The following CACNA2D1 variants were observed in gnomAD, a reference collection of about 807,000 sequenced individuals.
CACNA2D1 encodes the protein calcium voltage-gated channel auxiliary subunit alpha2delta 1, also known as voltage-dependent calcium channel subunit alpha-2/delta-1.
In CACNA2D1, 53 loss-of-function variants were observed where a neutral mutation model predicts 171.5. The observed-to-expected ratio is 0.31, with a 90% CI of 0.25 to 0.39. The LOEUF is 0.39. Among genes scored for constraint, CACNA2D1 ranks in the 10% least tolerant of loss-of-function variants. The pLI, the probability that CACNA2D1 is intolerant of heterozygous loss-of-function variation, is 1.00. For missense variants in CACNA2D1, 903 were observed against 1,299.8 expected (o/e 0.69, Z 4.69); for synonymous variants, 442 against 443.1 (o/e 1.00, Z 0.03).
chr7:82,107,026 A>G (rs893271768), intron 6 of CACNA2D1, among the ~76,000 whole-genome samples: 2 of 152,184 alleles, frequency 1.3e-5, no homozygotes, highest in African/African-American at 4.8e-5. Context: ...GCTGTTTCTT[A>G]TATATTTGGC....
intron 24 of CACNA2D1, among the ~76,000 whole-genome samples, chr7:81,982,069 G>C (rs73379536): frequency 6.6e-6 from 1 of 152,026 alleles, no homozygotes; most frequent in Non-Finnish European, 1.5e-5. Context: ...TGTTCTACAA[G>C]AGCAAAGCCT....
At chr7:82,402,978 G>C (rs1826609131) in intron 1 of CACNA2D1, among the ~76,000 whole-genome samples, 1 of 152,046 alleles carries the variant, frequency 6.6e-6, no homozygotes, top group African/African-American at 2.4e-5. Flanking sequence ...GCCAGTAACA[G>C]TGGAAAAATT....
intron 12 of CACNA2D1, among the ~76,000 whole-genome samples, chr7:82,022,353 C>T (rs146851219): frequency 6.6e-6 from 1 of 151,724 alleles, no homozygotes; most frequent in African/African-American, 2.4e-5. Context: ...AGAATAAATA[C>T]TTGGTTTTTA....
At chr7:82,170,217 TC>T (rs1218128739) in intron 4 of CACNA2D1, among the ~76,000 whole-genome samples, 1 of 151,964 alleles carries the variant, frequency 6.6e-6, no homozygotes, top group Non-Finnish European at 1.5e-5. Flanking sequence ...ATTCATAATA[TC>T]GACAAAAATT....
chr7:81,997,718 C>G (rs1179240217), intron 18 of CACNA2D1, among the ~76,000 whole-genome samples: 2 of 150,452 alleles, frequency 1.3e-5, no homozygotes, highest in East Asian at 3.9e-4. Context: ...CTACACTTGC[C>G]AAGTAAAACA....
At chr7:82,370,464 A>G (rs1469817390) in intron 1 of CACNA2D1, among the ~76,000 whole-genome samples, 1 of 152,162 alleles carries the variant, frequency 6.6e-6, no homozygotes, top group Non-Finnish European at 1.5e-5. Context: ...TTAAATAATT[A>G]AAATACACAA....
chr7:82,339,217 G>T (rs539455130), intron 2 of CACNA2D1, among the ~76,000 whole-genome samples: 4 of 152,308 alleles, frequency 2.6e-5, no homozygotes, highest in Admixed American at 2.6e-4. Context: ...TTCAAGTGAT[G>T]AGATTAATTT....
At chr7:82,095,567 G>A (rs1811755394) in intron 6 of CACNA2D1, among the ~76,000 whole-genome samples, 2 of 152,158 alleles carry the variant, frequency 1.3e-5, no homozygotes, top group African/African-American at 4.8e-5. Context: ...ATGTACAATA[G>A]CTAGGGTTGT....
At chr7:82,363,611 A>C (rs1821343845) in intron 1 of CACNA2D1, among the ~76,000 whole-genome samples, 1 of 152,158 alleles carries the variant, frequency 6.6e-6, no homozygotes, top group African/African-American at 2.4e-5. Flanking sequence ...GGAGTGAATA[A>C]AAGTACATGC....
intron 4 of CACNA2D1, among the ~76,000 whole-genome samples, chr7:82,145,703 TAC>T (rs910699926): frequency 1.3e-5 from 2 of 148,808 alleles, no homozygotes; most frequent in African/African-American, 4.9e-5. Context: ...ATATATATTA[TAC>T]ACAATTTTAT....
intron 3 of CACNA2D1, among the ~76,000 whole-genome samples, chr7:82,321,315 C>A (rs1815832574): frequency 6.6e-6 from 1 of 152,094 alleles, no homozygotes; most frequent in African/African-American, 2.4e-5. Flanking sequence ...AGAAGAATAG[C>A]TTGAACCTGG....
At chr7:82,339,960 G>T (rs546660385) in intron 2 of CACNA2D1, among the ~76,000 whole-genome samples, 1 of 152,300 alleles carries the variant, frequency 6.6e-6, no homozygotes, top group East Asian at 1.9e-4. Context: ...CTTAAAAATG[G>T]AAGAGGAAGA....
At chr7:82,328,271 A>C (rs1816889200) in intron 3 of CACNA2D1, among the ~76,000 whole-genome samples, 1 of 152,244 alleles carries the variant, frequency 6.6e-6, no homozygotes, top group Non-Finnish European at 1.5e-5. Context: ...CAAAATATGC[A>C]TATCCACATA....
At chr7:82,301,315 G>C (rs554261943) in intron 3 of CACNA2D1, among the ~76,000 whole-genome samples, 2 of 151,948 alleles carry the variant, frequency 1.3e-5, no homozygotes, top group African/African-American at 2.4e-5. Flanking sequence ...TAGTAGAGAC[G>C]GGGTTTCTCC....
chr7:82,012,343 A>G, intron 14 of CACNA2D1, 100 bp from the exon 15 acceptor site: 1 of 720,562 alleles, frequency 1.4e-6, no homozygotes, highest in Non-Finnish European at 2.5e-6. Context: ...AAAAATGAAT[A>G]TAGAATCAAA....
chr7:82,422,522 A>G (rs1482151373), intron 1 of CACNA2D1, among the ~76,000 whole-genome samples: 1 of 152,126 alleles, frequency 6.6e-6, no homozygotes, highest in African/African-American at 2.4e-5. Context: ...TTGTAAAAAG[A>G]TCTAGTTCAA....
At chr7:82,165,429 G>A (rs1221500384) in intron 4 of CACNA2D1, among the ~76,000 whole-genome samples, 1 of 151,952 alleles carries the variant, frequency 6.6e-6, no homozygotes. Flanking sequence ...TGTTAACTGT[G>A]AAACCAGTGT....
rs1297820123 is a variant in CACNA2D1 at position 81,950,021 on chromosome 7, CAAGT to C, written c.*367_*370del. ...AGAGATTTTCTTAGTAAAATTGCAG[CAAGT>C]CAAAATTCCAGGTCAATATCAAGAC... is the stretch of plus-strand genomic sequence containing the variant. On this transcript the variant is annotated 3_prime_UTR_variant, in exon 39 of 39. Coordinates refer to ENST00000356860, the MANE Select transcript of CACNA2D1 (RefSeq NM_000722.4). The C allele has an allele frequency of 5.4e-6, 1 of 184,682 alleles. No individual in the cohort carries two copies. The highest frequency in any genetic ancestry group is 2.4e-5 in the African/African-American group (1 of 42,520). The allele number at this position is 184,682 out of a possible 1,614,324, so 11.4% of individuals were successfully genotyped here.
chr7:82,117,222 A>T, intron 5 of CACNA2D1, 49 bp from the exon 6 acceptor site: 2 of 1,555,656 alleles, frequency 1.3e-6, no homozygotes, highest in Non-Finnish European at 1.8e-6. Flanking sequence ...GCTAACATAA[A>T]TATTTTCACA....
Sources: allele counts gnomAD v4.1 joint callset (sites outside exome capture counted in the v4.1 genomes callset), GRCh38; gene constraint gnomAD v4.1.1; transcripts MANE v1.5; gene names NCBI Gene and HGNC (gene_info 2026-07-23, HGNC 2026-07-21).